Variants in CBLN2 observed in about 807,000 individuals in gnomAD.
CBLN2 encodes cerebellin-2.
In CBLN2, 7 loss-of-function variants were observed where a neutral mutation model predicts 15.0. The ratio of observed to expected loss-of-function variants is 0.47; its 90% confidence interval spans 0.27 to 0.88. The LOEUF (loss-of-function observed/expected upper bound fraction) is 0.88. Ranked by LOEUF, CBLN2 falls within the 40% of genes least tolerant of loss-of-function variation. CBLN2 has a pLI of 0.14. For missense variants in CBLN2, 242 were observed against 304.5 expected (o/e 0.79, Z 1.53); for synonymous variants, 149 against 135.2 (o/e 1.10, Z -0.71).
chr18:72,587,050 C>T (rs2069448576), intron 1 of CBLN2, among the ~76,000 whole-genome samples: 1 of 151,776 alleles, frequency 6.6e-6, no homozygotes, highest in Non-Finnish European at 1.5e-5. Context: ...AATAGCGTAT[C>T]ATCAACATTC....
intron 1 of CBLN2, among the ~76,000 whole-genome samples, chr18:72,551,691 C>T (rs609782): frequency 0.73 from 111,582 of 152,102 alleles, 46,823 homozygotes; most frequent in Non-Finnish European, 0.95. Context: ...AGCATTAATA[C>T]TGTAACCATG....
At position 72,543,493 on chromosome 18, in the gene CBLN2, A is replaced by G. The variant is rs2144870297; in HGVS notation, c.-174T>C. On this transcript the variant is annotated 5_prime_UTR_variant, in exon 2 of 5. The change abolishes an upstream ATG in the 5' untranslated region. Coordinates refer to ENST00000269503, the MANE Select transcript of CBLN2 (RefSeq NM_182511.4). The surrounding 1 kb of genome is among the most constrained non-coding windows in gnomAD (Gnocchi z 6.8). ...CAGGTCGGGGGTGGTTACCTGGAAC[A>G]TCCATGCTGGGCGAGCTCCGCTGTC... The G allele has an allele frequency of 7.5e-6, 3 of 398,738 alleles. No homozygotes were observed. In the South Asian group the frequency reaches 3.8e-4, roughly 51 times the overall value. 24.7% of individuals were successfully genotyped at this position (398,738 alleles called of 1,614,324 possible).
intron 1 of CBLN2, among the ~76,000 whole-genome samples, chr18:72,630,127 G>T: frequency 6.6e-6 from 1 of 152,090 alleles, no homozygotes. Context: ...TTAAGATTTT[G>T]TACCTATAAA....
intron 1 of CBLN2, chr18:72,638,300 T>A (rs1480313202): frequency 3.3e-5 from 13 of 398,468 alleles, no homozygotes; most frequent in Non-Finnish European, 8.8e-6. Flanking sequence ...TCACGTTCTG[T>A]CTAGCCTAAA....
chr18:72,579,883 T>G (rs939517569), intron 1 of CBLN2, among the ~76,000 whole-genome samples: 5 of 152,188 alleles, frequency 3.3e-5, no homozygotes, highest in African/African-American at 1.2e-4. Context: ...TCTCCAAGGC[T>G]TAGTCATTTA....
intron 1 of CBLN2, among the ~76,000 whole-genome samples, chr18:72,612,088 G>A (rs1350627703): frequency 1.3e-5 from 2 of 151,976 alleles, no homozygotes; most frequent in Non-Finnish European, 2.9e-5. Flanking sequence ...CTATTCTGTT[G>A]CATTGTTATA....
chr18:72,562,355 G>A (rs1044319328), intron 1 of CBLN2, among the ~76,000 whole-genome samples: 1 of 151,982 alleles, frequency 6.6e-6, no homozygotes, highest in African/African-American at 2.4e-5. Context: ...TAGATAAAAC[G>A]GAAAAGAGGA....
At chr18:72,546,442 A>T (rs548561671), upstream of CBLN2, among the ~76,000 whole-genome samples, 283 of 132,636 alleles carry the variant, frequency 2.1e-3, 1 homozygote, top group African/African-American at 4.6e-3. Context: ...GCTCTCTCTC[A>T]AAAAAAAAAA....
At chr18:72,549,968 C>G (rs778638111) in intron 1 of CBLN2, among the ~76,000 whole-genome samples, 34 of 152,058 alleles carry the variant, frequency 2.2e-4, no homozygotes, top group Non-Finnish European at 4.3e-4. Flanking sequence ...ACAGCAATAG[C>G]AGAGGGAATG....
At chr18:72,560,086 T>A (rs2069250509) in intron 1 of CBLN2, among the ~76,000 whole-genome samples, 1 of 152,184 alleles carries the variant, frequency 6.6e-6, no homozygotes. Context: ...AGCTCCCAAT[T>A]TTTCACTGTT....
intron 3 of CBLN2, among the ~76,000 whole-genome samples, chr18:72,541,522 AG>A (rs2069110801): frequency 6.6e-6 from 1 of 152,214 alleles, no homozygotes; most frequent in Non-Finnish European, 1.5e-5. Flanking sequence ...TCAAATCTTT[AG>A]GTTTACGGAA....
At chr18:72,538,626 A>G (rs1333239895) in intron 4 of CBLN2, 27 bp downstream of exon 4, 2 of 1,612,872 alleles carry the variant, frequency 1.2e-6, no homozygotes, top group East Asian at 2.2e-5. Flanking sequence ...CTCAAACCTG[A>G]AAGGATCCAG....
intron 1 of CBLN2, among the ~76,000 whole-genome samples, chr18:72,586,592 G>A (rs1007166236): frequency 2.6e-5 from 4 of 152,056 alleles, no homozygotes; most frequent in African/African-American, 4.8e-5. Flanking sequence ...ATTCATGAAC[G>A]GTTAAGCATT....
chr18:72,538,571 C>G lies in CBLN2; in HGVS notation c.477+82G>C, dbSNP rs569837050. The G allele has an allele frequency of 3.3e-5, 52 of 1,573,968 alleles. No individual in the cohort carries two copies. The East Asian group carries it at 1.1e-3, about 35-fold the overall frequency. On this transcript the variant is annotated intron_variant, in intron 4 of 4. Transcript: ENST00000269503. ...AGACCAGTACCCTGTCTCCCTCAGC[C>G]TCAGAGACCAGGTGAAGGGGCCTTT...
At chr18:72,632,172 A>G (rs1317526351) in intron 1 of CBLN2, among the ~76,000 whole-genome samples, 4 of 152,114 alleles carry the variant, frequency 2.6e-5, no homozygotes, top group Admixed American at 6.6e-5. Flanking sequence ...ATATTTATAT[A>G]CGTAAGGTGT....
intron 1 of CBLN2, among the ~76,000 whole-genome samples, chr18:72,555,607 CATTTA>C (rs2069221916): frequency 1.3e-5 from 2 of 152,152 alleles, no homozygotes; most frequent in African/African-American, 2.4e-5. Flanking sequence ...CTACTTTTTC[CATTTA>C]ATTTATCATA....
intron 1 of CBLN2, among the ~76,000 whole-genome samples, chr18:72,608,165 T>G (rs1166265624): frequency 9.2e-5 from 14 of 152,208 alleles, no homozygotes; most frequent in Admixed American, 9.2e-4. Context: ...ACAGCTGCTT[T>G]ATTCCTTGTA....
chr18:72,546,070 A>T (rs2069155725), upstream of CBLN2, among the ~76,000 whole-genome samples: 3 of 152,242 alleles, frequency 2.0e-5, no homozygotes, highest in Admixed American at 1.3e-4. Flanking sequence ...TTTTAGAAGA[A>T]ACCATAAAAG....
At chr18:72,570,245 T>G (rs2144905174) in intron 1 of CBLN2, among the ~76,000 whole-genome samples, 1 of 151,870 alleles carries the variant, frequency 6.6e-6, no homozygotes, top group African/African-American at 2.4e-5. Flanking sequence ...AAGTTAGCAC[T>G]TGTGACCAAC....
Sources: allele counts gnomAD v4.1 joint callset (sites outside exome capture counted in the v4.1 genomes callset), GRCh38; gene constraint gnomAD v4.1.1; non-coding constraint Gnocchi (gnomAD v3.1); transcripts MANE v1.5; gene names NCBI Gene and HGNC (gene_info 2026-07-23, HGNC 2026-07-21).